Variants in CECR2 observed in about 807,000 individuals in gnomAD.
The protein encoded by CECR2 is CECR2 histone acetyl-lysine reader.
A neutral mutation model predicts 154.5 loss-of-function variants in CECR2; 30 were observed. The observed-to-expected ratio is 0.19, with a 90% CI of 0.15 to 0.26. The LOEUF (loss-of-function observed/expected upper bound fraction) is 0.26, where lower values mean the gene tolerates loss of function less well. Among genes scored for constraint, CECR2 ranks in the 10% least tolerant of loss-of-function variants. The probability of loss-of-function intolerance (pLI) is 1.00; values close to 1 mark genes in which losing one functional copy is unlikely to be tolerated. For synonymous variants in CECR2, 725 were observed against 683.7 expected (o/e 1.06, Z -0.94); for missense variants, 1,743 against 1,829.3 (o/e 0.95, Z 0.86).
At chr22:17,395,258 G>A (rs917848108) in intron 1 of CECR2, among the ~76,000 whole-genome samples, 10 of 151,490 alleles carry the variant, frequency 6.6e-5, no homozygotes, top group Admixed American at 2.0e-4. Context: ...AAACTCCTGA[G>A]CTCAAGGAAT....
intron 17 of CECR2, 127 bp from the exon 18 acceptor site, chr22:17,551,904 G>A: frequency 1.2e-6 from 1 of 840,946 alleles, no homozygotes; most frequent in South Asian, 1.6e-5. Flanking sequence ...AGTTGTCCCA[G>A]TATGGATGAT....
At chr22:17,472,466 C>T (rs991733357) in intron 1 of CECR2, among the ~76,000 whole-genome samples, 5 of 152,198 alleles carry the variant, frequency 3.3e-5, no homozygotes, top group African/African-American at 1.2e-4. Context: ...GGGTCCTATA[C>T]AGAAGATCTC....
chr22:17,424,924 T>A (rs529310388), intron 1 of CECR2: 1 of 152,350 alleles, frequency 6.6e-6, no homozygotes, highest in African/African-American at 2.4e-5. Flanking sequence ...TGCTTTTTAC[T>A]AGGTGTTTTG....
chr22:17,541,167 T>C (rs1003862), intron 14 of CECR2, among the ~76,000 whole-genome samples: 5 of 152,076 alleles, frequency 3.3e-5, no homozygotes, highest in African/African-American at 7.2e-5. Context: ...TTAAAAAATA[T>C]GTAATCTGGC....
chr22:17,402,836 C>T (rs1409231097), intron 1 of CECR2, among the ~76,000 whole-genome samples: 1 of 149,084 alleles, frequency 6.7e-6, no homozygotes, highest in Non-Finnish European at 1.5e-5. Flanking sequence ...CGGCTCACTG[C>T]AACCTCCGCC....
At chr22:17,474,877 G>A (rs555797860) in intron 1 of CECR2, among the ~76,000 whole-genome samples, 4 of 152,174 alleles carry the variant, frequency 2.6e-5, no homozygotes, top group South Asian at 4.2e-4. Context: ...TGTTCCTCAG[G>A]CTGGTCTTGA....
chr22:17,481,017 G>A (rs2055302301), intron 2 of CECR2, among the ~76,000 whole-genome samples: 2 of 136,424 alleles, frequency 1.5e-5, no homozygotes, highest in African/African-American at 2.7e-5. Flanking sequence ...TCCAGCGTGG[G>A]CGAAAGAGTG....
At chr22:17,478,295 T>C (rs2055244311) in intron 2 of CECR2, among the ~76,000 whole-genome samples, 2 of 151,988 alleles carry the variant, frequency 1.3e-5, no homozygotes, top group South Asian at 2.1e-4. Context: ...TCTGATGCCA[T>C]GTAGGGGGTT....
In CECR2 at chr22:17,548,579, G is replaced by T. The variant is rs769011525; in HGVS notation, c.3292G>T (p.Ala1098Ser). 3 of 1,613,604 alleles carry T rather than the reference G, an allele frequency of 1.9e-6. No individual in the cohort carries two copies. The highest frequency in any genetic ancestry group is 2.5e-6 in the Non-Finnish European group (3 of 1,179,774). Reference sequence around the variant, plus strand: ...AACCATGCCATGCACGGGACAGAACGCAGCGACACCGCCCAGCACAGACCC... The same window carrying T: ...AACCATGCCATGCACGGGACAGAACTCAGCGACACCGCCCAGCACAGACCC... ...QETMPCTGQN[A>S]ATPPSTDPGL... is the part of the protein sequence containing the mutation. The change falls in exon 17 of 19, where the codon GCA becomes TCA. Residue 1098 changes from alanine (A) to serine (S), a missense_variant. Physicochemically the swap from Ala to Ser is moderately conservative, Grantham distance 99 (BLOSUM62 1). This residue lies in a region of CECR2 where 1,250 missense variants were observed against 1,192.1 expected (regional missense o/e 1.05). Transcript: ENST00000262608.
chr22:17,524,820 C>A, intron 9 of CECR2: 1 of 386,888 alleles, frequency 2.6e-6, no homozygotes, highest in Non-Finnish European at 5.2e-6. Context: ...TATAGGCGTG[C>A]CACCACACCC....
chr22:17,427,616 A>G (rs2054351662), intron 1 of CECR2, among the ~76,000 whole-genome samples: 1 of 152,076 alleles, frequency 6.6e-6, no homozygotes, highest in Non-Finnish European at 1.5e-5. Context: ...TGTGGACCAA[A>G]AGAGTGAGCA....
At chr22:17,448,576 T>G (rs2146691011) in intron 1 of CECR2, among the ~76,000 whole-genome samples, 1 of 152,320 alleles carries the variant, frequency 6.6e-6, no homozygotes, top group East Asian at 1.9e-4. Flanking sequence ...CACTGCTTTC[T>G]ACACGGTTGA....
chr22:17,462,315 C>T lies in CECR2; in HGVS notation c.127-15273C>T, dbSNP rs369614829. ...GGCAGAGCTTGCAGTGAGCAAAGAT[C>T]GTGCCACTGCACTCCAGGCTGGGCA... On this transcript the variant is annotated intron_variant, in intron 1 of 18. Coordinates refer to ENST00000262608, the MANE Select transcript of CECR2 (RefSeq NM_001290047.2). Among the ~76,000 whole-genome samples, 32 of 151,742 alleles carry T rather than the reference C, an allele frequency of 2.1e-4. No individual in the cohort carries two copies. The East Asian group carries it at 3.4e-3, about 16-fold the overall frequency.
At chr22:17,481,336 C>CT (rs1424632150) in intron 2 of CECR2, among the ~76,000 whole-genome samples, 2 of 78,878 alleles carry the variant, frequency 2.5e-5, no homozygotes, top group Non-Finnish European at 4.6e-5. Flanking sequence ...GAGCGAGACT[C>CT]TGTCTCAAAA....
At chr22:17,417,216 G>A (rs1402159999) in intron 1 of CECR2, among the ~76,000 whole-genome samples, 5 of 152,102 alleles carry the variant, frequency 3.3e-5, no homozygotes, top group African/African-American at 1.2e-4. Context: ...TTAAATGTAG[G>A]CCTACCAACA....
intron 1 of CECR2, among the ~76,000 whole-genome samples, chr22:17,414,013 C>G (rs984690841): frequency 1.3e-5 from 2 of 149,420 alleles, no homozygotes; most frequent in African/African-American, 5.0e-5. Flanking sequence ...TGCTCTGTCA[C>G]CCAGGCTGGA....
intron 17 of CECR2, chr22:17,550,521 C>A (rs533013032): frequency 6.5e-6 from 1 of 153,024 alleles, no homozygotes; most frequent in South Asian, 2.1e-4. Flanking sequence ...ATGAGAAAAC[C>A]AGGTTTATCC....
intron 2 of CECR2, among the ~76,000 whole-genome samples, chr22:17,481,062 G>A (rs905479293): frequency 1.0e-5 from 1 of 100,242 alleles, no homozygotes; most frequent in Non-Finnish European, 2.4e-5. Flanking sequence ...AAAAAAAAAA[G>A]GCCGGGCACG....
At chr22:17,491,044 A>T (rs1043320124) in intron 2 of CECR2, among the ~76,000 whole-genome samples, 3 of 148,698 alleles carry the variant, frequency 2.0e-5, no homozygotes, top group African/African-American at 7.3e-5. Context: ...ATGTTGTAGC[A>T]TGAATCAGTA....
Sources: allele counts gnomAD v4.1 joint callset (sites outside exome capture counted in the v4.1 genomes callset), GRCh38; gene constraint gnomAD v4.1.1; regional missense constraint gnomAD v4.1.1; transcripts MANE v1.5; gene names NCBI Gene and HGNC (gene_info 2026-07-23, HGNC 2026-07-21).